HS6ST3: variants seen among roughly 807,000 people sequenced by gnomAD.
HS6ST3 encodes the protein heparan sulfate 6-O-sulfotransferase 3, also known as heparan-sulfate 6-O-sulfotransferase 3.
HS6ST3 carries 12 observed loss-of-function variants against 36.7 expected under a neutral mutation model. That is an observed-to-expected ratio of 0.33 (90% CI 0.21 to 0.53). The LOEUF is 0.53. HS6ST3 is among the 20% of genes least tolerant of loss of function. The probability of loss-of-function intolerance (pLI) is 0.95; values close to 1 mark genes in which losing one functional copy is unlikely to be tolerated. For missense variants in HS6ST3, 584 were observed against 640.9 expected (o/e 0.91, Z 0.96); for synonymous variants, 240 against 257.5 (o/e 0.93, Z 0.65).
At chr13:96,568,899 T>TA (rs1055897272) in intron 1 of HS6ST3, among the ~76,000 whole-genome samples, 15 of 152,208 alleles carry the variant, frequency 9.9e-5, no homozygotes, top group South Asian at 2.1e-4. Context: ...TGGCCTGTGA[T>TA]AATACATTCT....
rs182387253 is a variant in HS6ST3, at chr13:96,438,291, A to G, written c.707+346722A>G. Among the ~76,000 whole-genome samples the G allele has an allele frequency of 1.1e-3, 170 of 152,330 alleles. 1 individual carries two copies. The highest frequency in any genetic ancestry group is 3.8e-3 in the African/African-American group (157 of 41,568). On this transcript the variant is annotated intron_variant, in intron 1 of 1. Transcript: ENST00000376705. ...ATAAAACAAGAGCATTTGAAGGTGT[A>G]TTACATGCACAAATTTTAACCATAT...
At chr13:96,749,708 T>G (rs779794097) in intron 1 of HS6ST3, among the ~76,000 whole-genome samples, 16 of 152,158 alleles carry the variant, frequency 1.1e-4, no homozygotes, top group Admixed American at 2.6e-4. Flanking sequence ...TCAACAAATT[T>G]TAATTTCTTC....
At chr13:96,329,666 G>A (rs1384029870) in intron 1 of HS6ST3, among the ~76,000 whole-genome samples, 2 of 116,102 alleles carry the variant, frequency 1.7e-5, no homozygotes, top group East Asian at 4.9e-4. Context: ...CTGTTGATTT[G>A]GGGTGGAGAG....
At chr13:96,634,353 A>G (rs997324824) in intron 1 of HS6ST3, among the ~76,000 whole-genome samples, 1 of 152,166 alleles carries the variant, frequency 6.6e-6, no homozygotes, top group Non-Finnish European at 1.5e-5. Context: ...GTAAAAGCTC[A>G]CATCGGAATG....
intron 1 of HS6ST3, among the ~76,000 whole-genome samples, chr13:96,570,922 A>T (rs2056298911): frequency 6.6e-6 from 1 of 152,144 alleles, no homozygotes; most frequent in Admixed American, 6.6e-5. Context: ...TATAAGCTGG[A>T]TCTTTAAATA....
intron 1 of HS6ST3, among the ~76,000 whole-genome samples, chr13:96,279,230 A>G (rs1052188003): frequency 6.6e-6 from 1 of 152,314 alleles, no homozygotes. Context: ...AATCCAGGCA[A>G]TCAGAACCCA....
intron 1 of HS6ST3, among the ~76,000 whole-genome samples, chr13:96,714,636 C>A (rs1875646108): frequency 6.6e-6 from 1 of 152,160 alleles, no homozygotes; most frequent in South Asian, 2.1e-4. Context: ...CAACTTACTG[C>A]TAGCTACATA....
chr13:96,469,249 T>C (rs943280666), intron 1 of HS6ST3, among the ~76,000 whole-genome samples: 3 of 152,148 alleles, frequency 2.0e-5, no homozygotes, highest in Non-Finnish European at 4.4e-5. Context: ...TAGAATTATC[T>C]TACCATGAAA....
chr13:96,656,858 G>T (rs1458323034), intron 1 of HS6ST3, among the ~76,000 whole-genome samples: 4 of 151,866 alleles, frequency 2.6e-5, no homozygotes, highest in African/African-American at 9.7e-5. Flanking sequence ...ATAATCTTAT[G>T]CTTGCTCTAA....
intron 1 of HS6ST3, among the ~76,000 whole-genome samples, chr13:96,302,852 C>T (rs1310865739): frequency 6.6e-6 from 1 of 152,076 alleles, no homozygotes; most frequent in Non-Finnish European, 1.5e-5. Context: ...TTTTAAGGTT[C>T]TATATACCTA....
chr13:96,707,237 AAG>A (rs1360260745), intron 1 of HS6ST3, among the ~76,000 whole-genome samples: 2 of 152,190 alleles, frequency 1.3e-5, no homozygotes, highest in Non-Finnish European at 2.9e-5. Context: ...AAGAAGAAAC[AAG>A]AGAGAGATGA....
In HS6ST3 at chr13:96,521,688, G is replaced by A. The variant is rs1165529958; in HGVS notation, c.708-310802G>A. Among the ~76,000 whole-genome samples the A allele has an allele frequency of 2.0e-5, 3 of 152,102 alleles. No individual in the cohort carries two copies. The East Asian group carries it at 5.8e-4, about 29-fold the overall frequency. ...TGGTAGTTTGTATTCCTGTGGGATC[G>A]GTGGTGATATCCCCTTTATCATGTT... On this transcript the variant is annotated intron_variant, in intron 1 of 1. Coordinates refer to ENST00000376705, the MANE Select transcript of HS6ST3 (RefSeq NM_153456.4).
intron 1 of HS6ST3, among the ~76,000 whole-genome samples, chr13:96,487,447 G>A (rs755627092): frequency 1.6e-4 from 24 of 151,962 alleles, no homozygotes; most frequent in Non-Finnish European, 2.4e-4. Context: ...AATGCATCCC[G>A]CTTAAATTGA....
At chr13:96,773,863 C>A (rs1449631209) in intron 1 of HS6ST3, among the ~76,000 whole-genome samples, 1 of 152,176 alleles carries the variant, frequency 6.6e-6, no homozygotes, top group Non-Finnish European at 1.5e-5. Flanking sequence ...GGGTCCCTGA[C>A]CCCTGTGTCT....
At chr13:96,425,661 A>AC (rs2055583035) in intron 1 of HS6ST3, among the ~76,000 whole-genome samples, 1 of 151,832 alleles carries the variant, frequency 6.6e-6, no homozygotes, top group South Asian at 2.1e-4. Flanking sequence ...ACAGCGAGAG[A>AC]CCCCTAACCC....
chr13:96,539,434 C>A (rs963677544), intron 1 of HS6ST3, among the ~76,000 whole-genome samples: 3 of 152,106 alleles, frequency 2.0e-5, no homozygotes, highest in Non-Finnish European at 4.4e-5. Flanking sequence ...CCACTCACTG[C>A]AACCTCTGCC....
intron 1 of HS6ST3, among the ~76,000 whole-genome samples, chr13:96,362,482 T>C (rs1187391072): frequency 6.6e-6 from 1 of 152,176 alleles, no homozygotes; most frequent in Non-Finnish European, 1.5e-5. Flanking sequence ...CCGAGGTAGA[T>C]ATTTCTGAGC....
At chr13:96,656,723 G>T (rs997302798) in intron 1 of HS6ST3, among the ~76,000 whole-genome samples, 1 of 152,114 alleles carries the variant, frequency 6.6e-6, no homozygotes, top group Non-Finnish European at 1.5e-5. Context: ...AATCCTGGTG[G>T]AATCCTTCAA....
At chr13:96,092,321 A>C (rs2053768950) in intron 1 of HS6ST3, among the ~76,000 whole-genome samples, 1 of 152,168 alleles carries the variant, frequency 6.6e-6, no homozygotes, top group Non-Finnish European at 1.5e-5. Context: ...TATAAAGATA[A>C]CATAACATCC....
Sources: gnomAD v4.1 joint callset for allele counts (sites outside exome capture counted in the v4.1 genomes callset) on GRCh38, gnomAD v4.1.1 for gene constraint, MANE v1.5 for transcripts, NCBI Gene and HGNC (gene_info 2026-07-23, HGNC 2026-07-21) for gene names.